Variants in CACNA1E observed in about 807,000 individuals in gnomAD.
The protein encoded by CACNA1E is voltage-dependent R-type calcium channel subunit alpha-1E.
CACNA1E carries 40 observed loss-of-function variants against 259.2 expected under a neutral mutation model. The ratio of observed to expected loss-of-function variants is 0.15; its 90% CI spans 0.12 to 0.20. The LOEUF (loss-of-function observed/expected upper bound fraction) is 0.20. Ranked by LOEUF, CACNA1E falls within the 10% of genes least tolerant of loss-of-function variation. CACNA1E has a pLI of 1.00. For missense variants in CACNA1E, 1,874 were observed against 3,040.1 expected (o/e 0.62, Z 9.02); for synonymous variants, 1,104 against 1,138.5 (o/e 0.97, Z 0.61).
At chr1:181,641,361 C>T (rs1467563907) in intron 6 of CACNA1E, among the ~76,000 whole-genome samples, 2 of 152,208 alleles carry the variant, frequency 1.3e-5, no homozygotes, top group Non-Finnish European at 2.9e-5. Flanking sequence ...TGCCACCATT[C>T]AGGGTCCTCC....
chr1:181,752,079 G>A lies in CACNA1E; in HGVS notation c.3732-64G>A, dbSNP rs554722914. 608 of 1,144,970 alleles carry A rather than the reference G, an allele frequency of 5.3e-4. 1 individual carries two copies. In the African/African-American group the frequency reaches 8.6e-3, roughly 16 times the overall value. 70.9% of individuals were successfully genotyped at this position (1,144,970 alleles called of 1,614,324 possible). ...TTAGCCTGTTGTTACTAATGCCATAGTTTGAATGTCATTTTTATTTCTCCC... is the reference window on the plus strand; with the variant it reads ...TTAGCCTGTTGTTACTAATGCCATAATTTGAATGTCATTTTTATTTCTCCC... On this transcript the variant is annotated intron_variant, in intron 26 of 47. Coordinates refer to ENST00000367573, the MANE Select transcript of CACNA1E (RefSeq NM_001205293.3).
chr1:181,485,878 C>A lies in CACNA1E; in HGVS notation c.266+1868C>A, dbSNP rs907127583. 7.9e-5 allele frequency among the ~76,000 whole-genome samples: 12 copies of A among 152,220 alleles called. No homozygotes were observed. Among genetic ancestry groups the A allele is most frequent in the African/African-American group, 2.9e-4 (12 of 41,456 alleles). On this transcript the variant is annotated intron_variant, in intron 1 of 47. Transcript: ENST00000367573. This position sits in a 1 kb window ranked among gnomAD's most constrained non-coding sequence, Gnocchi z 4.2. ...TTTGCGGTAGACAAAGCCGCCCAACCGCCCCGCGGGTGGCAAAGTGTGCCA... is the reference window on the plus strand; with the variant it reads ...TTTGCGGTAGACAAAGCCGCCCAACAGCCCCGCGGGTGGCAAAGTGTGCCA...
At chr1:181,676,749 C>A (rs1305103684) in intron 7 of CACNA1E, among the ~76,000 whole-genome samples, 1 of 152,104 alleles carries the variant, frequency 6.6e-6, no homozygotes. Flanking sequence ...GTGAAATAAG[C>A]AAATCATTGT....
rs185797485 is a variant in CACNA1E at position 181,664,061 on chromosome 1, C to G, written c.1055+12620C>G. Among the ~76,000 whole-genome samples the G allele has an allele frequency of 2.2e-3, 330 of 152,260 alleles. 1 individual carries two copies. Among genetic ancestry groups the G allele is most frequent in the South Asian group, 6.0e-3 (29 of 4,818 alleles). ...ATTTTAGAGCATTTGGTTTATAAAG[C>G]ATTTCATGTGTTTGATTCCCACAAT... On this transcript the variant is annotated intron_variant, in intron 7 of 47. Coordinates refer to ENST00000367573, the MANE Select transcript of CACNA1E (RefSeq NM_001205293.3).
At chr1:181,628,912 T>C (rs186656267) in intron 6 of CACNA1E, among the ~76,000 whole-genome samples, 1 of 152,350 alleles carries the variant, frequency 6.6e-6, no homozygotes, top group Admixed American at 6.5e-5. Flanking sequence ...CTTGCCTTTT[T>C]TTCTTTGCTC....
At chr1:181,600,209 G>A (rs1653602402) in intron 6 of CACNA1E, among the ~76,000 whole-genome samples, 1 of 152,208 alleles carries the variant, frequency 6.6e-6, no homozygotes, top group African/African-American at 2.4e-5. Context: ...TTGCTTGGCA[G>A]GTTCAGGGAG....
chr1:181,542,493 A>G (rs1343534506), intron 3 of CACNA1E, among the ~76,000 whole-genome samples: 1 of 152,002 alleles, frequency 6.6e-6, no homozygotes, highest in Non-Finnish European at 1.5e-5. Context: ...AGGTGGAGGT[A>G]ATTGAATCAT....
chr1:181,594,553 C>T (rs1652968693), intron 6 of CACNA1E, among the ~76,000 whole-genome samples: 1 of 152,164 alleles, frequency 6.6e-6, no homozygotes, highest in Non-Finnish European at 1.5e-5. Flanking sequence ...CCCCTGCTAC[C>T]ATGCCAGACT....
rs534354280 is a variant in CACNA1E at position 181,378,960 on chromosome 1, A to C, written c.-14-34173A>C. Reference sequence around the variant, plus strand: ...TAAAGTAAAATTCACAATGTCTACCATCTAGTTAAAAATTACCAGGCATGC... The same window carrying C: ...TAAAGTAAAATTCACAATGTCTACCCTCTAGTTAAAAATTACCAGGCATGC... On this transcript the variant is annotated intron_variant, in intron 1 of 11. Coordinates refer to the CACNA1E transcript ENST00000524607. Among the ~76,000 whole-genome samples the C allele has an allele frequency of 5.3e-5, 8 of 152,332 alleles. No individual in the cohort carries two copies. The South Asian group carries it at 1.5e-3, about 28-fold the overall frequency.
intron 1 of CACNA1E, among the ~76,000 whole-genome samples, chr1:181,320,031 G>A (rs928748700): frequency 1.3e-5 from 2 of 152,184 alleles, no homozygotes; most frequent in African/African-American, 4.8e-5. Context: ...CTATTCCTCT[G>A]TCTTCTTGGT....
At chr1:181,431,667 G>A (rs1210260363) in intron 2 of CACNA1E, among the ~76,000 whole-genome samples, 2 of 152,150 alleles carry the variant, frequency 1.3e-5, no homozygotes, top group Non-Finnish European at 2.9e-5. Flanking sequence ...GTTTCAGGAA[G>A]GTCTCTGCAG....
intron 3 of CACNA1E, among the ~76,000 whole-genome samples, chr1:181,568,477 G>A (rs1184030344): frequency 6.6e-6 from 1 of 152,184 alleles, no homozygotes; most frequent in South Asian, 2.1e-4. Context: ...GTGTTCCATT[G>A]CCAAATTTAA....
Position 181,772,183 on chromosome 1 carries a change from T to C in CACNA1E, c.5091T>C (p.Asp1697=). The C allele has an allele frequency of 1.2e-6, 2 of 1,613,992 alleles. No individual in the cohort carries two copies. The highest frequency in any genetic ancestry group is 2.2e-5 in the South Asian group (2 of 91,076). Residue 1697 remains aspartate, a synonymous_variant, in exon 37 of 48, where the codon GAT becomes GAC. Coordinates refer to ENST00000367573, the MANE Select transcript of CACNA1E (RefSeq NM_001205293.3). ...GQNENERCGT[D]LAYVYFVSFI... ...ACGAGAACGAACGCTGCGGCACCGA[T>C]CTGGCCTACGTGTACTTTGTCTCCT...
chr1:181,788,476 A>G (rs1661029604), intron 43 of CACNA1E, among the ~76,000 whole-genome samples: 1 of 152,238 alleles, frequency 6.6e-6, no homozygotes, highest in African/African-American at 2.4e-5. Flanking sequence ...TCAGTGATTT[A>G]CTTACAGTTC....
chr1:181,401,320 C>G (rs1657087045), intron 1 of CACNA1E, among the ~76,000 whole-genome samples: 1 of 152,252 alleles, frequency 6.6e-6, no homozygotes, highest in African/African-American at 2.4e-5. Flanking sequence ...ACACCCTGTC[C>G]TCCAGGCAGC....
intron 6 of CACNA1E, among the ~76,000 whole-genome samples, chr1:181,605,942 GTA>G (rs1341347243): frequency 1.3e-5 from 2 of 152,184 alleles, no homozygotes; most frequent in African/African-American, 4.8e-5. Context: ...CTTCAGTACA[GTA>G]TATGGATCAA....
intron 1 of CACNA1E, among the ~76,000 whole-genome samples, chr1:181,343,156 A>G (rs1490985718): frequency 2.0e-5 from 3 of 152,044 alleles, no homozygotes; most frequent in Admixed American, 6.5e-5. Flanking sequence ...ATGAGGGTCC[A>G]TTCACTGACA....
At chr1:181,345,737 G>A (rs1287307679) in intron 1 of CACNA1E, among the ~76,000 whole-genome samples, 2 of 152,242 alleles carry the variant, frequency 1.3e-5, no homozygotes, top group Admixed American at 6.5e-5. Context: ...GGCCCAGGAA[G>A]GGCAGATGAC....
intron 6 of CACNA1E, among the ~76,000 whole-genome samples, chr1:181,598,803 G>C (rs1406907504): frequency 6.6e-6 from 1 of 152,066 alleles, no homozygotes; most frequent in East Asian, 1.9e-4. Context: ...CTGATAATCT[G>C]TCCCTGGACT....
Sources: gnomAD v4.1 joint callset for allele counts (sites outside exome capture counted in the v4.1 genomes callset) on GRCh38, gnomAD v4.1.1 for gene constraint, Gnocchi (gnomAD v3.1) non-coding constraint, MANE v1.5 for transcripts, NCBI Gene and HGNC (gene_info 2026-07-23, HGNC 2026-07-21) for gene names.